Variants in PDE4B observed in about 807,000 individuals in gnomAD.
PDE4B encodes the protein 3',5'-cyclic-AMP phosphodiesterase 4B.
A neutral mutation model predicts 82.2 loss-of-function variants in PDE4B; 20 were observed. That is an observed-to-expected ratio of 0.24 (90% CI 0.17 to 0.35). PDE4B has a LOEUF of 0.35. Among genes scored for constraint, PDE4B ranks in the 10% least tolerant of loss-of-function variants. The pLI, the probability that PDE4B is intolerant of heterozygous loss-of-function variation, is 1.00. For synonymous variants in PDE4B, 320 were observed against 318.9 expected (o/e 1.00, Z -0.04); for missense variants, 655 against 907.2 (o/e 0.72, Z 3.57).
chr1:65,844,319 G>T (rs1646244079), intron 1 of PDE4B, among the ~76,000 whole-genome samples: 1 of 152,116 alleles, frequency 6.6e-6, no homozygotes, highest in South Asian at 2.1e-4. Flanking sequence ...ATTTAGCTAG[G>T]CAGTCCAAAC....
chr1:65,994,762 A>G (rs1651440847), intron 3 of PDE4B, among the ~76,000 whole-genome samples: 1 of 152,136 alleles, frequency 6.6e-6, no homozygotes, highest in Admixed American at 6.6e-5. Context: ...GCTAATTTTT[A>G]GATAATGATA....
At chr1:65,992,145 A>C (rs927006017) in intron 3 of PDE4B, among the ~76,000 whole-genome samples, 1 of 152,200 alleles carries the variant, frequency 6.6e-6, no homozygotes, top group African/African-American at 2.4e-5. Flanking sequence ...GGAGGAAAAA[A>C]AAACTTCAGC....
At chr1:66,176,330 G>T (rs550771389) in intron 3 of PDE4B, among the ~76,000 whole-genome samples, 3 of 152,196 alleles carry the variant, frequency 2.0e-5, no homozygotes, top group Non-Finnish European at 4.4e-5. Flanking sequence ...GCTAGGCATC[G>T]CCTAAAATCT....
At chr1:65,815,643 A>G (rs1440932052) in intron 1 of PDE4B, among the ~76,000 whole-genome samples, 2 of 152,210 alleles carry the variant, frequency 1.3e-5, no homozygotes, top group Non-Finnish European at 2.9e-5. Flanking sequence ...TGAGAAACCA[A>G]TTGTAAAATT....
At chr1:66,295,691 G>A (rs1052068843) in intron 7 of PDE4B, among the ~76,000 whole-genome samples, 16 of 152,126 alleles carry the variant, frequency 1.1e-4, no homozygotes, top group Non-Finnish European at 2.2e-4. Flanking sequence ...AAAGTGCTGG[G>A]ATTACAGGAG....
chr1:66,070,943 T>G (rs955356578), intron 3 of PDE4B, among the ~76,000 whole-genome samples: 6 of 152,082 alleles, frequency 3.9e-5, no homozygotes, highest in Non-Finnish European at 7.4e-5. Context: ...CAAAATCCAT[T>G]TAAAATATGG....
intron 3 of PDE4B, among the ~76,000 whole-genome samples, chr1:66,122,791 T>A (rs147362984): frequency 2.3e-3 from 342 of 149,244 alleles, no homozygotes; most frequent in African/African-American, 7.9e-3. Flanking sequence ...CTGCAACCTC[T>A]GCTTCCCGGA....
At chr1:66,197,830 A>C (rs1648464123) in intron 3 of PDE4B, among the ~76,000 whole-genome samples, 1 of 152,178 alleles carries the variant, frequency 6.6e-6, no homozygotes, top group African/African-American at 2.4e-5. Flanking sequence ...CTAGCATTTA[A>C]TTTGAGAGAG....
chr1:66,358,547 G>A (rs1303788842), intron 9 of PDE4B, among the ~76,000 whole-genome samples: 1 of 151,978 alleles, frequency 6.6e-6, no homozygotes, highest in African/African-American at 2.4e-5. Context: ...GGTGGTACAT[G>A]CCTGTGGTCC....
At chr1:65,846,332 G>T (rs996750397) in intron 1 of PDE4B, among the ~76,000 whole-genome samples, 1 of 152,180 alleles carries the variant, frequency 6.6e-6, no homozygotes, top group African/African-American at 2.4e-5. Flanking sequence ...ACTAGACTGG[G>T]TTAAGTATAG....
chr1:66,229,568 A>G (rs531403450), intron 3 of PDE4B, among the ~76,000 whole-genome samples: 1 of 152,290 alleles, frequency 6.6e-6, no homozygotes, highest in South Asian at 2.1e-4. Context: ...ATAACTCTTC[A>G]CTAAATCCCT....
At chr1:65,852,351 T>A (rs1646341655) in intron 1 of PDE4B, among the ~76,000 whole-genome samples, 1 of 152,002 alleles carries the variant, frequency 6.6e-6, no homozygotes, top group South Asian at 2.1e-4. Flanking sequence ...GAAACTTTTA[T>A]GGTTCTTGTT....
At chr1:66,017,142 T>C (rs1652824698) in intron 3 of PDE4B, among the ~76,000 whole-genome samples, 2 of 152,212 alleles carry the variant, frequency 1.3e-5, no homozygotes, top group African/African-American at 4.8e-5. Context: ...ATACTTGATG[T>C]CTTCTTTCAG....
At chr1:65,936,607 A>T (rs1184857689) in intron 3 of PDE4B, among the ~76,000 whole-genome samples, 1 of 152,204 alleles carries the variant, frequency 6.6e-6, no homozygotes, top group Non-Finnish European at 1.5e-5. Flanking sequence ...TTATTGAAAC[A>T]CAGATTGCTG....
intron 3 of PDE4B, among the ~76,000 whole-genome samples, chr1:66,106,775 G>T (rs1386754935): frequency 6.9e-6 from 1 of 145,912 alleles, no homozygotes; most frequent in East Asian, 2.0e-4. Context: ...CTGTGGGATC[G>T]GTGGTGATAT....
chr1:66,153,583 C>T (rs761913121), intron 3 of PDE4B, among the ~76,000 whole-genome samples: 32 of 151,846 alleles, frequency 2.1e-4, no homozygotes, highest in Non-Finnish European at 3.2e-4. Context: ...TTTTCTGTGC[C>T]CTGTGCTGTG....
At chr1:66,109,335 A>C (rs1008875134) in intron 3 of PDE4B, among the ~76,000 whole-genome samples, 36 of 151,960 alleles carry the variant, frequency 2.4e-4, no homozygotes, top group African/African-American at 6.8e-4. Context: ...TAATATTGTC[A>C]AGAATTTTTT....
intron 3 of PDE4B, among the ~76,000 whole-genome samples, chr1:66,084,844 C>T (rs1170648879): frequency 1.3e-5 from 2 of 152,058 alleles, no homozygotes; most frequent in Non-Finnish European, 2.9e-5. Flanking sequence ...AGGCAGAGTC[C>T]CAAGCATTGG....
Position 66,144,188 on chromosome 1 carries a change from C to G in PDE4B, c.282-103272C>G, listed in dbSNP as rs1015170192. Among the ~76,000 whole-genome samples, 3 of 152,188 alleles carry G rather than the reference C, an allele frequency of 2.0e-5. No homozygotes were observed. The East Asian group carries it at 5.8e-4, about 29-fold the overall frequency. On this transcript the variant is annotated intron_variant, in intron 3 of 16. Transcript: ENST00000341517. ...TTTTCCCAAGTCAGTACCGTGCAAA[C>G]GGTTCCAGGTTTTTTTCCATTGAAG...
Sources: gnomAD v4.1 joint callset for allele counts (sites outside exome capture counted in the v4.1 genomes callset) on GRCh38, gnomAD v4.1.1 for gene constraint, MANE v1.5 for transcripts, NCBI Gene and HGNC (gene_info 2026-07-23, HGNC 2026-07-21) for gene names.